Variants in KCNQ3 observed in about 807,000 individuals in gnomAD.
KCNQ3 encodes potassium voltage-gated channel subfamily KQT member 3.
A neutral mutation model predicts 92.5 loss-of-function variants in KCNQ3; 30 were observed. The ratio of observed to expected loss-of-function variants is 0.32; its 90% CI spans 0.24 to 0.44. KCNQ3 has a LOEUF of 0.44. KCNQ3 is among the 20% of genes least tolerant of loss of function. KCNQ3 has a pLI of 1.00. For missense variants in KCNQ3, 913 were observed against 1,140.3 expected (o/e 0.80, Z 2.87); for synonymous variants, 450 against 468.8 (o/e 0.96, Z 0.52).
Position 132,346,270 on chromosome 8 carries a change from T to C in KCNQ3, c.386+133877A>G, listed in dbSNP as rs558085908. ...TTAAGCCACATATGGGTACCCTGCTTGGGCTGTCAGGTTCCAAAAAAGGCA... is the reference window on the plus strand; with the variant it reads ...TTAAGCCACATATGGGTACCCTGCTCGGGCTGTCAGGTTCCAAAAAAGGCA... On this transcript the variant is annotated intron_variant, in intron 1 of 14. Transcript: ENST00000388996. 2.0e-4 allele frequency among the ~76,000 whole-genome samples: 31 copies of C among 152,290 alleles called. No homozygotes were observed. The South Asian group carries it at 4.6e-3, about 22-fold the overall frequency.
intron 1 of KCNQ3, among the ~76,000 whole-genome samples, chr8:132,414,175 G>A (rs1480595572): frequency 6.6e-6 from 1 of 152,092 alleles, no homozygotes; most frequent in Non-Finnish European, 1.5e-5. Context: ...ATAGCCCCTC[G>A]AGGTTTCATC....
chr8:132,214,537 CCTCT>C (rs1412590433), intron 1 of KCNQ3, among the ~76,000 whole-genome samples: 1 of 152,144 alleles, frequency 6.6e-6, no homozygotes, highest in Non-Finnish European at 1.5e-5. Flanking sequence ...CCCTTGACAT[CCTCT>C]CCTCCCTCCC....
rs34392139 is a variant in KCNQ3 at position 132,401,382 on chromosome 8, C to CTTT, written c.386+78762_386+78764dup. On this transcript the variant is annotated intron_variant, in intron 1 of 14. Transcript: ENST00000388996. ...GCCAATATTTGGGAGGAATAGAACACTTTTTTTTTTTTGAGATGCAGTCTT... is the reference window on the plus strand; with the variant it reads ...GCCAATATTTGGGAGGAATAGAACACTTTTTTTTTTTTTTTGAGATGCAGTCTT... Among the ~76,000 whole-genome samples, 507 of 148,444 alleles carry CTTT rather than the reference C, an allele frequency of 3.4e-3. 3 individuals carry two copies. The highest frequency in any genetic ancestry group is 6.8e-3 in the South Asian group (32 of 4,692).
At chr8:132,428,244 A>G (rs879424841) in intron 1 of KCNQ3, among the ~76,000 whole-genome samples, 8 of 151,798 alleles carry the variant, frequency 5.3e-5, no homozygotes, top group African/African-American at 9.7e-5. Context: ...CCTCTTTAAG[A>G]TCTTCTTTTT....
Position 132,230,449 on chromosome 8 carries a change from C to CAGAG in KCNQ3, c.387-44272_387-44269dup, listed in dbSNP as rs5895132. Among the ~76,000 whole-genome samples, 1,152 of 142,440 alleles carry CAGAG rather than the reference C, an allele frequency of 8.1e-3. 9 individuals carry two copies. Among genetic ancestry groups the CAGAG allele is most frequent in the East Asian group, 0.02 (98 of 4,842 alleles). 93.4% of individuals were successfully genotyped at this position (142,440 alleles called of 152,430 possible). ...CACCACAGGCAGAGAGAGAGAGAGA[C>CAGAG]AGAGAGAGAGAGAGAGAGAGAGAGA... On this transcript the variant is annotated intron_variant, in intron 1 of 14. Transcript: ENST00000388996.
At chr8:132,227,481 C>T (rs1019751077) in intron 1 of KCNQ3, among the ~76,000 whole-genome samples, 14 of 152,166 alleles carry the variant, frequency 9.2e-5, no homozygotes, top group Non-Finnish European at 1.9e-4. Context: ...AAAAGGAAGG[C>T]CTCTGGGAAC....
chr8:132,361,283 A>G (rs1819161622), intron 1 of KCNQ3, among the ~76,000 whole-genome samples: 1 of 152,180 alleles, frequency 6.6e-6, no homozygotes, highest in African/African-American at 2.4e-5. Context: ...ACTCTGACTC[A>G]TCTGATGCTT....
intron 1 of KCNQ3, among the ~76,000 whole-genome samples, chr8:132,370,663 C>T (rs753977952): frequency 3.3e-5 from 5 of 152,296 alleles, no homozygotes; most frequent in Admixed American, 6.5e-5. Flanking sequence ...GTGGGAATCA[C>T]GCACTCCAGG....
At chr8:132,187,074 C>A (rs1826993959) in intron 1 of KCNQ3, 2 of 428,358 alleles carry the variant, frequency 4.7e-6, no homozygotes, top group Non-Finnish European at 9.3e-6. Flanking sequence ...GTTGTCAGTA[C>A]CAGGTTCCCT....
At chr8:132,453,253 C>T (rs1312446673) in intron 1 of KCNQ3, among the ~76,000 whole-genome samples, 2 of 152,042 alleles carry the variant, frequency 1.3e-5, no homozygotes, top group Admixed American at 6.5e-5. Flanking sequence ...GTGAAGACGG[C>T]GGGTACTAGT....
Position 132,269,732 on chromosome 8 carries a change from C to T in KCNQ3, c.387-83551G>A, listed in dbSNP as rs566031188. Among the ~76,000 whole-genome samples the T allele has an allele frequency of 2.0e-5, 3 of 152,294 alleles. No homozygotes were observed. In the East Asian group the frequency reaches 5.8e-4, roughly 29 times the overall value. On this transcript the variant is annotated intron_variant, in intron 1 of 14. Transcript: ENST00000388996. ...ACTAAGGAACAAATCTTGTCTTCCC[C>T]ACTAGACTGTGGGCCTCTAAAGACA... is the stretch of plus-strand genomic sequence containing the variant.
chr8:132,461,156 C>T (rs1369437623), intron 1 of KCNQ3, among the ~76,000 whole-genome samples: 1 of 152,044 alleles, frequency 6.6e-6, no homozygotes, highest in African/African-American at 2.4e-5. Flanking sequence ...TTGCATTGTT[C>T]TTGGCAATTA....
At chr8:132,468,521 G>C (rs1354903945) in intron 1 of KCNQ3, among the ~76,000 whole-genome samples, 2 of 152,366 alleles carry the variant, frequency 1.3e-5, no homozygotes, top group African/African-American at 4.8e-5. Flanking sequence ...ACCAGCTTAG[G>C]AGAACCGGGT....
At chr8:132,141,723 C>T (rs1295480079) in intron 9 of KCNQ3, among the ~76,000 whole-genome samples, 1 of 152,150 alleles carries the variant, frequency 6.6e-6, no homozygotes, top group Non-Finnish European at 1.5e-5. Flanking sequence ...TAGTGATTTA[C>T]ACAGACAAAT....
chr8:132,148,676 C>T (rs1825537709), intron 9 of KCNQ3, among the ~76,000 whole-genome samples: 1 of 152,196 alleles, frequency 6.6e-6, no homozygotes, highest in African/African-American at 2.4e-5. Context: ...GGATGGACGT[C>T]ATCTAATCCT....
Position 132,141,204 on chromosome 8 carries a change from C to G in KCNQ3, c.1390G>C (p.Val464Leu), listed in dbSNP as rs777831466. Residue 464 changes from valine (V) to leucine (L), a missense_variant, in exon 10 of 15, where the codon GTT becomes CTT. Val to Leu is a conservative substitution (Grantham distance 32). Around this residue, in one of 6 missense-constraint regions of KCNQ3, gnomAD observed 182 missense variants for 234.5 expected, o/e 0.78. Coordinates refer to ENST00000388996, the MANE Select transcript of KCNQ3 (RefSeq NM_004519.4). ...AAACGCTCTTTATTGTTTAAGCCAA[C>G]AGGCTTTGGTTCTTTAGAAGGACTT... ...EESPSKEPKP[V>L]GLNNKERFRT... 6.2e-7 allele frequency: 1 copy of G among 1,614,066 alleles called. No individual in the cohort carries two copies. Among genetic ancestry groups the G allele is most frequent in the Non-Finnish European group, 8.5e-7 (1 of 1,180,022 alleles).
intron 1 of KCNQ3, among the ~76,000 whole-genome samples, chr8:132,205,048 C>T (rs1223622504): frequency 6.6e-6 from 1 of 152,144 alleles, no homozygotes; most frequent in Non-Finnish European, 1.5e-5. Flanking sequence ...TACAAAAATG[C>T]CTGAGCTTCA....
At chr8:132,181,164 T>A (rs1302408410) in intron 3 of KCNQ3, among the ~76,000 whole-genome samples, 3 of 152,176 alleles carry the variant, frequency 2.0e-5, no homozygotes, top group Non-Finnish European at 4.4e-5. Flanking sequence ...AAAAAGGGGA[T>A]GAGACACTTC....
intron 1 of KCNQ3, among the ~76,000 whole-genome samples, chr8:132,426,707 T>G (rs1016437746): frequency 3.3e-5 from 5 of 152,194 alleles, no homozygotes; most frequent in Admixed American, 6.5e-5. Context: ...TTTTATCAAT[T>G]TCTCCAAGGA....
Sources: allele counts gnomAD v4.1 joint callset (sites outside exome capture counted in the v4.1 genomes callset), GRCh38; gene constraint gnomAD v4.1.1; regional missense constraint gnomAD v4.1.1; transcripts MANE v1.5; gene names NCBI Gene and HGNC (gene_info 2026-07-23, HGNC 2026-07-21).